Variants in STS observed in about 807,000 individuals in gnomAD.
The protein encoded by STS is steroid sulfatase, also known as steryl-sulfatase.
Under a neutral mutation model 26.8 loss-of-function variants are expected in STS, and 7 were observed. That is an observed-to-expected ratio of 0.26 (90% confidence interval 0.15 to 0.49). The LOEUF (loss-of-function observed/expected upper bound fraction) is 0.49. Among genes scored for constraint, STS ranks in the 20% least tolerant of loss-of-function variants. The probability of loss-of-function intolerance (pLI) is 0.98; values close to 1 mark genes in which losing one functional copy is unlikely to be tolerated. For synonymous variants in STS, 199 were observed against 189.4 expected (o/e 1.05, Z -0.42); for missense variants, 434 against 465.6 (o/e 0.93, Z 0.63).
At chrX:7,210,795 C>A (rs1031044849) in intron 2 of STS, among the ~76,000 whole-genome samples, 2 of 109,443 alleles carry the variant, frequency 1.8e-5, no homozygotes, top group Non-Finnish European at 3.8e-5. Context: ...AATATCCCAG[C>A]CTGAGATCTC....
chrX:7,315,848 G>C (rs5934935), intron 8 of STS, among the ~76,000 whole-genome samples: 2,023 of 111,200 alleles, frequency 0.018, 28 homozygotes, highest in Non-Finnish European at 0.027. Flanking sequence ...ATTGAGGGTG[G>C]GTCTGCCTCT....
chrX:7,325,189 T>C, intron 8 of STS, 150 bp from the exon 9 acceptor site: 1 of 585,731 alleles, frequency 1.7e-6, no homozygotes. Context: ...ATACAACATA[T>C]ACTATATTGC....
Position 7,245,554 on chromosome X carries a change from T to C in STS, c.-4-7642T>C, listed in dbSNP as rs192949628. On this transcript the variant is annotated intron_variant, in intron 2 of 10. Coordinates refer to ENST00000674429, the MANE Select transcript of STS (RefSeq NM_001320752.2). ...CTCTGTCATTATTTATTCATTTGCC[T>C]AGTCCACAAATCTTGACTATTTAAT... Among the ~76,000 whole-genome samples the C allele has an allele frequency of 2.4e-4, 27 of 112,445 alleles. 1 individual carries two copies. The East Asian group carries it at 7.3e-3, about 30-fold the overall frequency.
intron 9 of STS, among the ~76,000 whole-genome samples, chrX:7,327,834 A>G (rs1252870023): frequency 8.9e-6 from 1 of 112,151 alleles, no homozygotes; most frequent in Non-Finnish European, 1.9e-5. Context: ...TTCAGTACAA[A>G]GAAGGCATGA....
intron 10 of STS, among the ~76,000 whole-genome samples, chrX:7,345,806 C>T (rs1427492073): frequency 2.7e-5 from 3 of 111,899 alleles, no homozygotes; most frequent in South Asian, 3.7e-4. Context: ...GACTCCAAGA[C>T]GTTAAGAGGG....
chrX:7,217,072 C>G (rs1031917882), intron 2 of STS, among the ~76,000 whole-genome samples: 6 of 110,847 alleles, frequency 5.4e-5, no homozygotes, highest in African/African-American at 1.6e-4. Context: ...GGGTGCCCAT[C>G]AGTGGATGGA....
chrX:7,211,687 T>C (rs1311768015), intron 2 of STS, among the ~76,000 whole-genome samples: 5 of 112,427 alleles, frequency 4.4e-5, no homozygotes, highest in Non-Finnish European at 7.5e-5. Flanking sequence ...TGAGTATATC[T>C]GTGAGATGCT....
chrX:7,169,317 C>T (rs191683627), intron 1 of STS, among the ~76,000 whole-genome samples: 2 of 112,371 alleles, frequency 1.8e-5, no homozygotes, highest in East Asian at 5.6e-4. Context: ...CCCATCTGCC[C>T]TTTCTCTTCT....
chrX:7,185,724 C>T (rs1383818293), intron 1 of STS, among the ~76,000 whole-genome samples: 8 of 112,309 alleles, frequency 7.1e-5, no homozygotes, highest in African/African-American at 2.3e-4. Context: ...TTATTTTATG[C>T]TTTTTCTGTT....
At chrX:7,334,762 A>G (rs1927931822) in intron 10 of STS, among the ~76,000 whole-genome samples, 1 of 112,861 alleles carries the variant, frequency 8.9e-6, no homozygotes, top group South Asian at 3.6e-4. Flanking sequence ...TATTTGCTAC[A>G]TTTAGATATT....
intron 7 of STS, among the ~76,000 whole-genome samples, chrX:7,297,561 A>G: frequency 8.9e-6 from 1 of 111,972 alleles, no homozygotes; most frequent in Non-Finnish European, 1.9e-5. Context: ...TTTGAATGAA[A>G]TTTTTATGTT....
chrX:7,176,253 C>T (rs951795829), intron 1 of STS, among the ~76,000 whole-genome samples: 2 of 111,709 alleles, frequency 1.8e-5, no homozygotes, highest in Admixed American at 9.6e-5. Flanking sequence ...GGGGTAAAGA[C>T]TTTGACAGCC....
chrX:7,253,056 C>T, intron 2 of STS, 140 bp from the exon 3 acceptor site: 1 of 670,474 alleles, frequency 1.5e-6, no homozygotes, highest in South Asian at 2.6e-5. Flanking sequence ...GAGGCTGAGA[C>T]AGGAGGATCG....
chrX:7,228,445 G>C (rs1408788537), intron 2 of STS, among the ~76,000 whole-genome samples: 3 of 111,713 alleles, frequency 2.7e-5, no homozygotes. Flanking sequence ...ATCTCTCATT[G>C]TGTGTGGGTT....
At chrX:7,285,940 G>T (rs982634846) in intron 7 of STS, among the ~76,000 whole-genome samples, 1 of 111,704 alleles carries the variant, frequency 9.0e-6, no homozygotes, top group Non-Finnish European at 1.9e-5. Flanking sequence ...CCATATTACT[G>T]TTGTTTCAGC....
chrX:7,284,265 A>G (rs1925019064), intron 7 of STS, among the ~76,000 whole-genome samples: 1 of 111,965 alleles, frequency 8.9e-6, no homozygotes, highest in Admixed American at 9.5e-5. Context: ...TTACCTGCCA[A>G]CGTTTCAGGT....
rs764851346 is a variant in STS, at chrX:7,287,378, G to T, written c.943+11291G>T. ...AATATAGACACAAACAGTACAGAAA[G>T]GGAATGACCCATGAAATCTCACCCC... On this transcript the variant is annotated intron_variant, in intron 7 of 10. Transcript: ENST00000674429. 1.1e-4 allele frequency among the ~76,000 whole-genome samples: 12 copies of T among 111,696 alleles called. No individual in the cohort carries two copies. In the South Asian group the frequency reaches 4.5e-3, roughly 42 times the overall value.
chrX:7,204,239 C>G (rs777393538), intron 2 of STS, among the ~76,000 whole-genome samples: 3 of 111,770 alleles, frequency 2.7e-5, no homozygotes, highest in Admixed American at 9.5e-5. Context: ...TTCTTCAAGT[C>G]TCCTACTTCT....
intron 2 of STS, among the ~76,000 whole-genome samples, chrX:7,211,862 A>C (rs771309074): frequency 1.1e-4 from 12 of 111,483 alleles, no homozygotes; most frequent in African/African-American, 3.6e-4. Context: ...TGCCCTGCCC[A>C]AAATGGGAAT....
Sources: allele counts gnomAD v4.1 joint callset (sites outside exome capture counted in the v4.1 genomes callset), GRCh38; gene constraint gnomAD v4.1.1; transcripts MANE v1.5; gene names NCBI Gene and HGNC (gene_info 2026-07-23, HGNC 2026-07-21).